The following COL5A1 variants were observed in gnomAD, a reference collection of about 807,000 sequenced individuals.
The protein encoded by COL5A1 is collagen alpha-1(V) chain.
Under a neutral mutation model 263.7 loss-of-function variants are expected in COL5A1, and 16 were observed. The ratio of observed to expected loss-of-function variants is 0.06; its 90% CI spans 0.04 to 0.09. The LOEUF (loss-of-function observed/expected upper bound fraction) is 0.09. Among genes scored for constraint, COL5A1 ranks in the 10% least tolerant of loss-of-function variants. The pLI is 1.00. For synonymous variants in COL5A1, 1,012 were observed against 1,004.5 expected, an observed-to-expected ratio of 1.01 and a Z score of -0.14; for missense variants, 2,036 against 2,540.5, an observed-to-expected ratio of 0.80 and a Z score of 4.27.
chr9:134,823,067 T>C, intron 60 of COL5A1, 34 bp downstream of exon 60: 3 of 1,613,614 alleles, frequency 1.9e-6, no homozygotes, highest in Non-Finnish European at 2.5e-6. Flanking sequence ...GGCCAATGCC[T>C]GGAAGGTAGG....
intron 1 of COL5A1, among the ~76,000 whole-genome samples, chr9:134,646,898 C>T (rs1335022597): frequency 1.3e-5 from 2 of 152,148 alleles, no homozygotes; most frequent in Non-Finnish European, 2.9e-5. Flanking sequence ...ATGGGCTGGG[C>T]GAGGACAAGT....
At chr9:134,752,712 C>T (rs1007783132) in intron 14 of COL5A1, 67 bp downstream of exon 14, 32 of 1,290,116 alleles carry the variant, frequency 2.5e-5, no homozygotes, top group Non-Finnish European at 2.4e-5. Context: ...GTGTCGTTGG[C>T]GGACAGTGGC....
At chr9:134,666,573 T>C (rs1460441118) in intron 1 of COL5A1, among the ~76,000 whole-genome samples, 1 of 152,158 alleles carries the variant, frequency 6.6e-6, no homozygotes, top group Non-Finnish European at 1.5e-5. Flanking sequence ...CTTCCTCTTC[T>C]CTCTCCTGGA....
At chr9:134,731,789 C>A (rs1834892697) in intron 8 of COL5A1, 126 bp downstream of exon 8, 1 of 1,104,450 alleles carries the variant, frequency 9.1e-7, no homozygotes, top group Non-Finnish European at 1.3e-6. Context: ...CACCCTATTC[C>A]CAAAACTTTA....
intron 27 of COL5A1, 38 bp downstream of exon 27, chr9:134,774,950 G>A (rs764416685): frequency 6.3e-7 from 1 of 1,592,736 alleles, no homozygotes. Flanking sequence ...CGTCCTGGAG[G>A]TCAGGGTTGG....
At chr9:134,826,704 TGTGGG>T (rs1166655735) in intron 63 of COL5A1, among the ~76,000 whole-genome samples, 1,987 of 71,962 alleles carry the variant, frequency 0.028, 45 homozygotes, top group African/African-American at 0.1. Context: ...GTGGCTGGTA[TGTGGG>T]GGTGTGTGGG....
intron 46 of COL5A1, among the ~76,000 whole-genome samples, chr9:134,811,949 C>T (rs550241190): frequency 6.6e-6 from 1 of 152,334 alleles, no homozygotes; most frequent in South Asian, 2.1e-4. Context: ...TATTCTCATG[C>T]ACAGAGGCGC....
chr9:134,682,019 C>T lies in COL5A1; in HGVS notation c.110-8893C>T, dbSNP rs1832875130. On this transcript the variant is annotated intron_variant, in intron 1 of 65. Transcript: ENST00000371817. This position sits in a 1 kb window ranked among gnomAD's most constrained non-coding sequence, Gnocchi z 5.1. ...CAGCTGCCTTCCCCGAACCCCTGAT[C>T]CCCAGCTCATTCTATCAAGTCCACC... 1.3e-5 allele frequency among the ~76,000 whole-genome samples: 2 copies of T among 152,262 alleles called. No homozygotes were observed. Among genetic ancestry groups the T allele is most frequent in the South Asian group, 4.1e-4 (2 of 4,820 alleles).
chr9:134,828,687 ACACATAC>A lies in COL5A1; in HGVS notation c.5068-1277_5068-1271del, dbSNP rs959114000. Among the ~76,000 whole-genome samples, 432 of 151,968 alleles carry A rather than the reference ACACATAC, an allele frequency of 2.8e-3. 2 individuals carry two copies. The highest frequency in any genetic ancestry group is 9.6e-3 in the African/African-American group (397 of 41,290). On this transcript the variant is annotated intron_variant, in intron 63 of 65. Coordinates refer to ENST00000371817, the MANE Select transcript of COL5A1 (RefSeq NM_000093.5). ...ACACCCATAATGCGCCATACACACC[ACACATAC>A]CACATACCACACATAGATACGCACC...
chr9:134,754,149 C>G lies in COL5A1; in HGVS notation c.1774-124C>G, dbSNP rs1835890874. 2 of 1,049,862 alleles carry G rather than the reference C, an allele frequency of 1.9e-6. No individual in the cohort carries two copies. Among genetic ancestry groups the G allele is most frequent in the Admixed American group, 3.6e-5 (2 of 55,566 alleles). 65.0% of individuals were successfully genotyped at this position (1,049,862 alleles called of 1,614,324 possible). ...AGATCCGTGTCCCGTCCCCGAAGTG[C>G]CCACATGTTTGTGGCTTGGACAGCC... is the stretch of plus-strand genomic sequence containing the variant. On this transcript the variant is annotated intron_variant, in intron 15 of 65. Transcript: ENST00000371817. This position sits in a 1 kb window ranked among gnomAD's most constrained non-coding sequence, Gnocchi z 4.3.
chr9:134,649,088 C>T (rs978443244), intron 1 of COL5A1, among the ~76,000 whole-genome samples: 3 of 118,030 alleles, frequency 2.5e-5, no homozygotes, highest in South Asian at 3.1e-4. Context: ...GAAGTTGGTG[C>T]GGGCGGGGTG....
At chr9:134,666,106 A>G (rs58055284) in intron 1 of COL5A1, among the ~76,000 whole-genome samples, 105 of 152,318 alleles carry the variant, frequency 6.9e-4, no homozygotes, top group African/African-American at 2.5e-3. Flanking sequence ...TAAAATAAAA[A>G]TAAAAAAAGG....
chr9:134,766,383 G>T, intron 21 of COL5A1, 71 bp from the exon 22 acceptor site: 1 of 1,491,978 alleles, frequency 6.7e-7, no homozygotes, highest in Non-Finnish European at 9.3e-7. Context: ...AGTTGAGTGG[G>T]ATTTTCCTCT....
At chr9:134,812,757 G>GGT (rs763060553) in intron 48 of COL5A1, 45 bp downstream of exon 48, 1 of 1,284,810 alleles carries the variant, frequency 7.8e-7, no homozygotes, top group Non-Finnish European at 1.1e-6. Flanking sequence ...GGTTGTTTGA[G>GGT]GAGTGTGTGT....
chr9:134,762,831 G>A (rs1836509253), intron 19 of COL5A1, among the ~76,000 whole-genome samples: 1 of 152,162 alleles, frequency 6.6e-6, no homozygotes, highest in Non-Finnish European at 1.5e-5. Flanking sequence ...AGGAGAGAGG[G>A]ACCCTTCTAG....
chr9:134,805,128 G>A (rs201582570), intron 40 of COL5A1, 33 bp from the exon 41 acceptor site: 29 of 1,613,748 alleles, frequency 1.8e-5, no homozygotes, highest in Admixed American at 3.3e-5. Context: ...CTCTCCCCAC[G>A]TGCCCTTGAC....
At chr9:134,814,106 G>A (rs1412016455) in intron 49 of COL5A1, 70 bp downstream of exon 49, 2 of 1,474,716 alleles carry the variant, frequency 1.4e-6, no homozygotes, top group Non-Finnish European at 9.3e-7. Flanking sequence ...TGCTGGGTTG[G>A]AGGCTCTGGC....
chr9:134,676,581 A>T (rs966892673), intron 1 of COL5A1, among the ~76,000 whole-genome samples: 1 of 80,550 alleles, frequency 1.2e-5, no homozygotes, highest in Non-Finnish European at 2.4e-5. Context: ...CTGCATTGAG[A>T]TCCTGCAAAA....
chr9:134,735,887 A>C (rs564209180), intron 9 of COL5A1, among the ~76,000 whole-genome samples: 1 of 152,282 alleles, frequency 6.6e-6, no homozygotes, highest in South Asian at 2.1e-4. Context: ...GCAGGATGGG[A>C]GGGGTGGGGA....
Sources: allele counts gnomAD v4.1 joint callset (sites outside exome capture counted in the v4.1 genomes callset), GRCh38; gene constraint gnomAD v4.1.1; non-coding constraint Gnocchi (gnomAD v3.1); transcripts MANE v1.5; gene names NCBI Gene and HGNC (gene_info 2026-07-23, HGNC 2026-07-21).